NALF1: variants seen among roughly 807,000 people sequenced by gnomAD.
NALF1 encodes NALCN channel auxiliary factor 1.
In NALF1, 3 loss-of-function variants were observed where a neutral mutation model predicts 48.4. The observed-to-expected ratio is 0.06, with a 90% CI of 0.03 to 0.16. NALF1 has a LOEUF of 0.16. Among genes scored for constraint, NALF1 ranks in the 10% least tolerant of loss-of-function variants. NALF1 has a pLI of 1.00. For synonymous variants in NALF1, 262 were observed against 245.7 expected, an observed-to-expected ratio of 1.07 and a Z score of -0.62; for missense variants, 526 against 571.5, an observed-to-expected ratio of 0.92 and a Z score of 0.81.
intron 1 of NALF1, among the ~76,000 whole-genome samples, chr13:107,461,033 T>C (rs1200615967): frequency 3.3e-5 from 5 of 152,106 alleles, no homozygotes; most frequent in Non-Finnish European, 7.4e-5. Context: ...AGAGTAAAAA[T>C]CAGAGTATTC....
At chr13:107,861,377 T>A (rs1880563434) in intron 1 of NALF1, among the ~76,000 whole-genome samples, 1 of 151,950 alleles carries the variant, frequency 6.6e-6, no homozygotes, top group Non-Finnish European at 1.5e-5. Flanking sequence ...AGATGTGTAC[T>A]CCACACTTCT....
intron 1 of NALF1, among the ~76,000 whole-genome samples, chr13:107,716,971 G>T (rs949450210): frequency 3.3e-5 from 5 of 152,204 alleles, no homozygotes; most frequent in Non-Finnish European, 5.9e-5. Context: ...GACTCTCAGA[G>T]TTGGGAGTAA....
At chr13:107,174,363 ATT>A (rs376258353) in intron 2 of NALF1, among the ~76,000 whole-genome samples, 75,388 of 143,718 alleles carry the variant, frequency 0.52, 19,592 homozygotes, top group Middle Eastern at 0.58. Flanking sequence ...TTATTTATTT[ATT>A]TTTTTTTTTG....
chr13:107,439,606 A>G (rs993780997), intron 1 of NALF1, among the ~76,000 whole-genome samples: 1 of 152,216 alleles, frequency 6.6e-6, no homozygotes. Flanking sequence ...TCCCCTTTCC[A>G]TATTCTTTCT....
intron 1 of NALF1, among the ~76,000 whole-genome samples, chr13:107,211,157 G>A (rs1251616497): frequency 6.6e-6 from 1 of 152,098 alleles, no homozygotes; most frequent in African/African-American, 2.4e-5. Context: ...CCCTCCACAC[G>A]GAGTCCCACG....
chr13:107,360,640 C>T (rs545120004), intron 1 of NALF1, among the ~76,000 whole-genome samples: 3 of 152,128 alleles, frequency 2.0e-5, no homozygotes, highest in Non-Finnish European at 2.9e-5. Flanking sequence ...AAATAACCGA[C>T]ATTATATTAA....
At chr13:107,727,234 TA>T (rs1256848989) in intron 1 of NALF1, among the ~76,000 whole-genome samples, 2 of 152,088 alleles carry the variant, frequency 1.3e-5, no homozygotes, top group Non-Finnish European at 2.9e-5. Flanking sequence ...ATAATACACA[TA>T]AAGAAACAAA....
At chr13:107,305,990 C>T (rs947039311) in intron 1 of NALF1, among the ~76,000 whole-genome samples, 4 of 152,084 alleles carry the variant, frequency 2.6e-5, no homozygotes, top group African/African-American at 7.2e-5. Context: ...AAGAAATCAA[C>T]TAGCGGTGAG....
intron 1 of NALF1, among the ~76,000 whole-genome samples, chr13:107,834,702 G>C (rs186223886): frequency 6.6e-6 from 1 of 152,248 alleles, no homozygotes; most frequent in African/African-American, 2.4e-5. Flanking sequence ...AGATGATAAA[G>C]AACGTTCTCC....
At chr13:107,392,632 G>A (rs1883646144) in intron 1 of NALF1, among the ~76,000 whole-genome samples, 1 of 152,110 alleles carries the variant, frequency 6.6e-6, no homozygotes, top group South Asian at 2.1e-4. Flanking sequence ...GGTGTCTTTA[G>A]GGGTGAGGGT....
At chr13:107,185,526 C>T (rs1472324869) in intron 2 of NALF1, among the ~76,000 whole-genome samples, 1 of 151,844 alleles carries the variant, frequency 6.6e-6, no homozygotes, top group Non-Finnish European at 1.5e-5. Context: ...GAGTTTCTGT[C>T]TGTGTTACAT....
intron 2 of NALF1, among the ~76,000 whole-genome samples, chr13:107,193,794 C>T (rs1039314452): frequency 1.3e-5 from 2 of 152,126 alleles, no homozygotes; most frequent in Non-Finnish European, 1.5e-5. Flanking sequence ...AATTTCTAAA[C>T]AGAGAAGTTA....
Position 107,170,164 on chromosome 13 carries a change from A to C in NALF1, c.*333T>G, listed in dbSNP as rs1878768078. 1 of 223,996 alleles carries C rather than the reference A, an allele frequency of 4.5e-6. No individual in the cohort carries two copies. The highest frequency in any genetic ancestry group is 5.1e-5 in the Admixed American group (1 of 19,612). The allele number at this position is 223,996 out of a possible 1,614,324, so 13.9% of individuals were successfully genotyped here. ...GAAAAGACTTAGTTTACCTCTGAGA[A>C]ACCATCCCCCAAAATAAATCCTGTA... On this transcript the variant is annotated 3_prime_UTR_variant, in exon 3 of 3. Coordinates refer to ENST00000375915, the MANE Select transcript of NALF1 (RefSeq NM_001080396.3).
intron 1 of NALF1, among the ~76,000 whole-genome samples, chr13:107,811,610 T>C (rs977434563): frequency 2.6e-5 from 4 of 152,226 alleles, no homozygotes; most frequent in African/African-American, 9.6e-5. Flanking sequence ...GCTTTTGTGT[T>C]TTTGTATATT....
chr13:107,360,811 GTATTTTCTAATC>G (rs1883047904), intron 1 of NALF1, among the ~76,000 whole-genome samples: 1 of 152,068 alleles, frequency 6.6e-6, no homozygotes, highest in South Asian at 2.1e-4. Flanking sequence ...TGGTTTTTAA[GTATTTTCTAATC>G]TATAGCTGCC....
At chr13:107,821,422 G>T (rs952208236) in intron 1 of NALF1, among the ~76,000 whole-genome samples, 31 of 152,178 alleles carry the variant, frequency 2.0e-4, no homozygotes, top group Non-Finnish European at 4.4e-4. Context: ...GATGACGCGT[G>T]AGGGCTCTAA....
chr13:107,593,443 G>T (rs1359780993), intron 1 of NALF1, among the ~76,000 whole-genome samples: 1 of 151,788 alleles, frequency 6.6e-6, no homozygotes, highest in African/African-American at 2.4e-5. Flanking sequence ...ATTTTACATG[G>T]TACTAGGTCA....
intron 1 of NALF1, among the ~76,000 whole-genome samples, chr13:107,642,727 G>A (rs1880193329): frequency 1.3e-5 from 2 of 152,162 alleles, no homozygotes; most frequent in Admixed American, 1.3e-4. Context: ...ATGGGGAAAG[G>A]AAAGAGAGTT....
chr13:107,656,335 A>C (rs9587418), intron 1 of NALF1, among the ~76,000 whole-genome samples: 4,008 of 152,198 alleles, frequency 0.026, 181 homozygotes, highest in African/African-American at 0.093. Flanking sequence ...ATCCCATCAA[A>C]AAGTGAGCTA....
Sources: gnomAD v4.1 joint callset for allele counts (sites outside exome capture counted in the v4.1 genomes callset) on GRCh38, gnomAD v4.1.1 for gene constraint, MANE v1.5 for transcripts, NCBI Gene and HGNC (gene_info 2026-07-23, HGNC 2026-07-21) for gene names.